Variants in MAP3K15 observed in about 807,000 individuals in gnomAD.
The protein encoded by MAP3K15 is mitogen-activated protein kinase kinase kinase 15.
A neutral mutation model predicts 99.5 loss-of-function variants in MAP3K15; 124 were observed. The observed-to-expected ratio is 1.25, with a 90% CI of 1.08 to 1.45. The LOEUF (loss-of-function observed/expected upper bound fraction) is 1.45. MAP3K15 is among the 40% of genes most tolerant of loss of function. The pLI is 0.00. For synonymous variants in MAP3K15, 494 were observed against 439.6 expected (o/e 1.12, Z -1.55); for missense variants, 1,242 against 1,079.7 (o/e 1.15, Z -2.11).
intron 3 of MAP3K15, among the ~76,000 whole-genome samples, chrX:19,470,455 G>A (rs916949416): frequency 3.7e-5 from 4 of 109,495 alleles, no homozygotes; most frequent in Non-Finnish European, 7.6e-5. Context: ...AATGCTAAAT[G>A]ACGAGTTAAT....
chrX:19,451,295 AG>A (rs200650071), intron 6 of MAP3K15, among the ~76,000 whole-genome samples: 1,182 of 89,885 alleles, frequency 0.013, 79 homozygotes, highest in Non-Finnish European at 0.019. Flanking sequence ...AAAAAAAAAA[AG>A]AAGAAGATCA....
At position 19,392,160 on chromosome X, in the gene MAP3K15, T is replaced by C; in HGVS notation, c.2326-53A>G. The C allele has an allele frequency of 3.7e-6, 4 of 1,080,718 alleles. No individual in the cohort carries two copies. In the East Asian group the frequency reaches 9.0e-5, roughly 24 times the overall value. The allele number at this position is 1,080,718 out of a possible 1,213,427, so 89.1% of individuals were successfully genotyped here. On this transcript the variant is annotated intron_variant, in intron 17 of 28. Coordinates refer to ENST00000338883, the MANE Select transcript of MAP3K15 (RefSeq NM_001001671.4). Reference sequence around the variant, plus strand: ...TAAAAGACAGGCTGAAACGAACTCATATGAAACAGATCTGGACCTTGGGAA... The same window carrying C: ...TAAAAGACAGGCTGAAACGAACTCACATGAAACAGATCTGGACCTTGGGAA...
chrX:19,361,561 G>T lies in MAP3K15; in HGVS notation c.3712C>A (p.Gln1238Lys), dbSNP rs770697702. The T allele has an allele frequency of 1.7e-6, 2 of 1,208,358 alleles. No homozygotes were observed. Among genetic ancestry groups the T allele is most frequent in the South Asian group, 3.5e-5 (2 of 56,712 alleles). ...ITENPAGPYGQRTDKELIDWL... is the reference protein window; with the variant it reads ...ITENPAGPYGKRTDKELIDWL... Reference sequence around the variant, plus strand: ...TCTATAAGCTCTTTATCTGTTCTCTGCCCGTAGGGGCCTGCTGGGTTCTCT... The same window carrying T: ...TCTATAAGCTCTTTATCTGTTCTCTTCCCGTAGGGGCCTGCTGGGTTCTCT... The change falls in exon 27 of 29, where the codon CAG (glutamine) becomes AAG (lysine). Residue 1238 changes from glutamine to lysine, a missense_variant. Gln to Lys is a moderately conservative substitution (Grantham distance 53). Transcript: ENST00000338883.
At chrX:19,437,320 C>T (rs995577560) in intron 6 of MAP3K15, among the ~76,000 whole-genome samples, 1 of 111,615 alleles carries the variant, frequency 9.0e-6, no homozygotes, top group African/African-American at 3.3e-5. Flanking sequence ...TCAAAACTCA[C>T]CAGTGGCTCC....
chrX:19,464,943 G>C (rs2064156082), intron 3 of MAP3K15, among the ~76,000 whole-genome samples: 1 of 111,181 alleles, frequency 9.0e-6, no homozygotes, highest in Non-Finnish European at 1.9e-5. Flanking sequence ...CTAGACTGAA[G>C]TGCAGTGGCG....
chrX:19,423,484 A>G (rs16997301), intron 9 of MAP3K15, among the ~76,000 whole-genome samples: 2,045 of 112,242 alleles, frequency 0.018, 45 homozygotes, highest in African/African-American at 0.063. Context: ...TTTGGAATAT[A>G]GTTGCCAGGC....
intron 15 of MAP3K15, among the ~76,000 whole-genome samples, chrX:19,396,677 C>A (rs2063569494): frequency 9.0e-6 from 1 of 111,546 alleles, no homozygotes; most frequent in Admixed American, 9.6e-5. Flanking sequence ...TTACAGCTGG[C>A]AGAAATCCCT....
chrX:19,392,148 G>A, intron 17 of MAP3K15, 41 bp from the exon 18 acceptor site: 1 of 1,099,686 alleles, frequency 9.1e-7, no homozygotes, highest in Non-Finnish European at 1.3e-6. Flanking sequence ...AAGACAGGCT[G>A]AAACGAACTC....
chrX:19,411,601 T>C (rs2063688581), intron 11 of MAP3K15, among the ~76,000 whole-genome samples: 1 of 109,545 alleles, frequency 9.1e-6, no homozygotes, highest in African/African-American at 3.3e-5. Flanking sequence ...GGCATTAAGA[T>C]AGGGCAGGGG....
intron 6 of MAP3K15, among the ~76,000 whole-genome samples, chrX:19,431,940 CTTT>C (rs773036480): frequency 3.7e-5 from 3 of 81,018 alleles, no homozygotes; most frequent in African/African-American, 9.2e-5. Context: ...TGAGACCCTG[CTTT>C]TTTTTTTTTT....
At chrX:19,500,173 G>A (rs1429900113) in intron 1 of MAP3K15, among the ~76,000 whole-genome samples, 1 of 111,847 alleles carries the variant, frequency 8.9e-6, no homozygotes, top group Non-Finnish European at 1.9e-5. Context: ...CTTGAACTTG[G>A]GAGATGGAGG....
Position 19,360,782 on chromosome X carries a change from A to C in MAP3K15, c.3909T>G (p.Ala1303=). ...LWSAVSQYRR[A]QEASETKDKA is the part of the protein sequence containing the mutation. ...TGTCTTTGGTTTCTGAGGCCTCCTG[A>C]GCCCTTCTGTACTGGGAGACCGCAC... The change falls in exon 29 of 29, where the codon GCT becomes GCG. Residue 1303 remains alanine, a synonymous_variant. Coordinates refer to ENST00000338883, the MANE Select transcript of MAP3K15 (RefSeq NM_001001671.4). 1 of 1,210,037 alleles carries C rather than the reference A, an allele frequency of 8.3e-7. No individual in the cohort carries two copies. Among genetic ancestry groups the C allele is most frequent in the Non-Finnish European group, 1.1e-6 (1 of 894,768 alleles).
chrX:19,507,575 C>CAA (rs1165492097), intron 1 of MAP3K15, among the ~76,000 whole-genome samples: 279 of 10,887 alleles, frequency 0.026, 67 homozygotes, highest in South Asian at 0.039. Flanking sequence ...CACCTTGTCT[C>CAA]AAAAAAAAAA....
chrX:19,436,154 CAA>C (rs756368352), intron 6 of MAP3K15, among the ~76,000 whole-genome samples: 10 of 52,240 alleles, frequency 1.9e-4, no homozygotes, highest in Non-Finnish European at 1.8e-4. Context: ...AACGCCATGT[CAA>C]AAAAAAAAAA....
chrX:19,507,913 G>C (rs1351691280), intron 1 of MAP3K15, among the ~76,000 whole-genome samples: 1 of 112,220 alleles, frequency 8.9e-6, no homozygotes, highest in Non-Finnish European at 1.9e-5. Context: ...GTCTGCCTGG[G>C]CTGGAGTGCA....
intron 10 of MAP3K15, among the ~76,000 whole-genome samples, chrX:19,414,727 G>A (rs926801183): frequency 8.9e-6 from 1 of 111,859 alleles, no homozygotes; most frequent in African/African-American, 3.3e-5. Context: ...TGACATTTTG[G>A]GCTGGATAAT....
rs1196569371 is a variant in MAP3K15, at chrX:19,488,859, T to C, written c.470A>G (p.Asp157Gly). The C allele has an allele frequency of 1.7e-6, 2 of 1,199,560 alleles. No homozygotes were observed. The highest frequency in any genetic ancestry group is 2.2e-6 in the Non-Finnish European group (2 of 894,627). ...DMANNVILYHDTDADTALSLK... is the reference protein window; with the variant it reads ...DMANNVILYHGTDADTALSLK... ...AGAGAGAGCAGTGTCGGCATCGGTG[T>C]CATGGTACAAGATCACATTATTGGC... Residue 157 changes from aspartate (D) to glycine (G), a missense_variant, in exon 2 of 29, where the codon GAC becomes GGC. Coordinates refer to ENST00000338883, the MANE Select transcript of MAP3K15 (RefSeq NM_001001671.4).
intron 18 of MAP3K15, among the ~76,000 whole-genome samples, chrX:19,389,169 C>T (rs1292161758): frequency 9.1e-6 from 1 of 110,363 alleles, no homozygotes; most frequent in Non-Finnish European, 1.9e-5. Context: ...CCAAGGGGCA[C>T]GGGGTCTGCT....
At chrX:19,374,449 C>T (rs1424853131) in intron 20 of MAP3K15, 28 bp downstream of exon 20, 23 of 1,189,374 alleles carry the variant, frequency 1.9e-5, no homozygotes, top group Non-Finnish European at 2.6e-5. Flanking sequence ...GGCCAGGGTG[C>T]TGCCCCAGCT....
Sources: allele counts gnomAD v4.1 joint callset (sites outside exome capture counted in the v4.1 genomes callset), GRCh38; gene constraint gnomAD v4.1.1; transcripts MANE v1.5; gene names NCBI Gene and HGNC (gene_info 2026-07-23, HGNC 2026-07-21).